The following NELL1 variants were observed in gnomAD, a reference collection of about 807,000 sequenced individuals.
The protein encoded by NELL1 is neural EGFL like 1.
In NELL1, 76 loss-of-function variants were observed where a neutral mutation model predicts 107.4. The ratio of observed to expected loss-of-function variants is 0.71; its 90% CI spans 0.59 to 0.86. The LOEUF (loss-of-function observed/expected upper bound fraction) is 0.86, where lower values mean the gene tolerates loss of function less well. Ranked by LOEUF, NELL1 falls within the 40% of genes least tolerant of loss-of-function variation. The pLI, the probability that NELL1 is intolerant of heterozygous loss-of-function variation, is 0.00. For synonymous variants in NELL1, 353 were observed against 341.2 expected (o/e 1.03, Z -0.38); for missense variants, 1,024 against 1,005.5 (o/e 1.02, Z -0.25).
intron 13 of NELL1, among the ~76,000 whole-genome samples, chr11:21,213,294 A>G (rs961762549): frequency 5.3e-5 from 8 of 152,194 alleles, no homozygotes; most frequent in African/African-American, 1.2e-4. Context: ...AAAGATGTCA[A>G]TTCTCCATAA....
intron 15 of NELL1, among the ~76,000 whole-genome samples, chr11:21,461,792 A>C (rs971465884): frequency 6.6e-6 from 1 of 152,126 alleles, no homozygotes; most frequent in Non-Finnish European, 1.5e-5. Flanking sequence ...CAGTTTCTGT[A>C]GTCACAATGC....
intron 2 of NELL1, among the ~76,000 whole-genome samples, chr11:20,743,981 T>A (rs1291394756): frequency 6.6e-6 from 1 of 152,174 alleles, no homozygotes; most frequent in Non-Finnish European, 1.5e-5. Flanking sequence ...GGCCCAAGAT[T>A]TAGGGGCCAT....
chr11:21,496,617 G>A (rs993764994), intron 15 of NELL1, among the ~76,000 whole-genome samples: 1 of 151,952 alleles, frequency 6.6e-6, no homozygotes, highest in Non-Finnish European at 1.5e-5. Context: ...CACCGTGTTA[G>A]CCAGGATGAT....
chr11:21,234,630 A>G (rs1205801727), intron 14 of NELL1, among the ~76,000 whole-genome samples: 2 of 152,186 alleles, frequency 1.3e-5, no homozygotes, highest in Non-Finnish European at 2.9e-5. Context: ...GGCTCTCCAG[A>G]ATCCTGTAGT....
chr11:21,573,425 G>T lies in NELL1; in HGVS notation c.2382+16G>T. On this transcript the variant is annotated intron_variant, in intron 19 of 19. Transcript: ENST00000357134. ...TAAATGCAAGGTAATTGGATGTTCT[G>T]CGGATATTGAAGCCTTGAACAATTG... 6.2e-7 allele frequency: 1 copy of T among 1,605,962 alleles called. No homozygotes were observed. The highest frequency in any genetic ancestry group is 8.5e-7 in the Non-Finnish European group (1 of 1,174,318).
At chr11:20,805,585 T>C (rs955998443) in intron 3 of NELL1, among the ~76,000 whole-genome samples, 11 of 152,218 alleles carry the variant, frequency 7.2e-5, no homozygotes, top group Non-Finnish European at 1.5e-4. Context: ...AGTGGTGAGA[T>C]CTTGGCTCGC....
chr11:20,905,561 AT>A, intron 5 of NELL1, among the ~76,000 whole-genome samples: 1 of 152,296 alleles, frequency 6.6e-6, no homozygotes, highest in Admixed American at 6.5e-5. Context: ...GTATAAAAAA[AT>A]GAGAATATCA....
At chr11:21,287,982 GAGAAT>G (rs1849162248) in intron 14 of NELL1, among the ~76,000 whole-genome samples, 1 of 144,616 alleles carries the variant, frequency 6.9e-6, no homozygotes, top group Non-Finnish European at 1.5e-5. Context: ...AAGAAAAGAA[GAGAAT>G]AGAAGGAAGG....
chr11:20,947,249 G>T, intron 10 of NELL1, 87 bp from the exon 11 acceptor site: 1 of 836,450 alleles, frequency 1.2e-6, no homozygotes, highest in Non-Finnish European at 2.1e-6. Context: ...TGTTATCACT[G>T]CAGGCTATTA....
intron 12 of NELL1, among the ~76,000 whole-genome samples, chr11:21,031,238 C>T (rs1044060475): frequency 6.6e-6 from 1 of 152,128 alleles, no homozygotes; most frequent in Non-Finnish European, 1.5e-5. Context: ...TTTCAATTTC[C>T]ATTCTTATAA....
intron 13 of NELL1, among the ~76,000 whole-genome samples, chr11:21,214,986 A>G (rs1307556477): frequency 3.3e-5 from 5 of 152,200 alleles, no homozygotes; most frequent in Admixed American, 1.3e-4. Flanking sequence ...GCTAATGTCA[A>G]TCTTCTGATT....
chr11:21,391,699 C>T (rs1016040177), intron 15 of NELL1, among the ~76,000 whole-genome samples: 52 of 151,706 alleles, frequency 3.4e-4, no homozygotes, highest in Admixed American at 3.2e-3. Context: ...GTCTGGAGTG[C>T]GGTAATGCAG....
chr11:21,423,064 T>C (rs1251117241), intron 15 of NELL1, among the ~76,000 whole-genome samples: 1 of 152,056 alleles, frequency 6.6e-6, no homozygotes. Context: ...AGACTCTAAG[T>C]TTAAAAATTT....
At chr11:21,553,128 T>C (rs1239991604) in intron 16 of NELL1, among the ~76,000 whole-genome samples, 1 of 151,832 alleles carries the variant, frequency 6.6e-6, no homozygotes, top group Non-Finnish European at 1.5e-5. Flanking sequence ...AACCTCCCTG[T>C]GACTAAGACC....
At chr11:20,824,256 A>T (rs925107908) in intron 3 of NELL1, among the ~76,000 whole-genome samples, 1 of 151,236 alleles carries the variant, frequency 6.6e-6, no homozygotes, top group African/African-American at 2.4e-5. Flanking sequence ...TTTCCTGGGG[A>T]CTTCCCAGCC....
chr11:21,445,010 A>C (rs1372610022), intron 15 of NELL1, among the ~76,000 whole-genome samples: 1 of 152,202 alleles, frequency 6.6e-6, no homozygotes, highest in African/African-American at 2.4e-5. Context: ...ACTGATGACA[A>C]CTTAACACTG....
chr11:21,500,228 A>G (rs1265398826), intron 15 of NELL1, among the ~76,000 whole-genome samples: 1 of 152,128 alleles, frequency 6.6e-6, no homozygotes, highest in East Asian at 1.9e-4. Context: ...ATCTGTAACT[A>G]CTTAGTAAAA....
intron 3 of NELL1, among the ~76,000 whole-genome samples, chr11:20,810,761 G>A (rs1857486176): frequency 6.6e-6 from 1 of 152,002 alleles, no homozygotes; most frequent in Non-Finnish European, 1.5e-5. Flanking sequence ...TCAAATGGTA[G>A]TTCTACTTTT....
intron 2 of NELL1, among the ~76,000 whole-genome samples, chr11:20,687,975 G>A (rs958282056): frequency 3.9e-5 from 6 of 151,916 alleles, no homozygotes; most frequent in East Asian, 1.9e-4. Flanking sequence ...TATTAATCTC[G>A]TATAATTGAA....
Sources: allele counts gnomAD v4.1 joint callset (sites outside exome capture counted in the v4.1 genomes callset), GRCh38; gene constraint gnomAD v4.1.1; transcripts MANE v1.5; gene names NCBI Gene and HGNC (gene_info 2026-07-23, HGNC 2026-07-21).